Variants in PRKCE observed in about 807,000 individuals in gnomAD.
PRKCE encodes the protein protein kinase C epsilon type.
In PRKCE, 16 loss-of-function variants were observed where a neutral mutation model predicts 85.4. The observed-to-expected ratio is 0.19, with a 90% CI of 0.13 to 0.28. PRKCE has a LOEUF of 0.28. Among genes scored for constraint, PRKCE ranks in the 10% least tolerant of loss-of-function variants. PRKCE has a pLI of 1.00. For missense variants in PRKCE, 573 were observed against 975.2 expected (o/e 0.59, Z 5.49); for synonymous variants, 388 against 371.5 (o/e 1.04, Z -0.51).
intron 1 of PRKCE, among the ~76,000 whole-genome samples, chr2:45,655,845 T>TG (rs1470721812): frequency 1.5e-5 from 1 of 68,530 alleles, no homozygotes; most frequent in Non-Finnish European, 2.7e-5. Flanking sequence ...CCCTGTCTCT[T>TG]GAAAAAAAAA....
intron 10 of PRKCE, among the ~76,000 whole-genome samples, chr2:46,024,510 T>C (rs1706946883): frequency 6.6e-6 from 1 of 152,146 alleles, no homozygotes; most frequent in Non-Finnish European, 1.5e-5. Context: ...TCACCTGGGA[T>C]TCATCAGCAG....
At chr2:45,816,235 G>A (rs1403191639) in intron 1 of PRKCE, among the ~76,000 whole-genome samples, 1 of 152,124 alleles carries the variant, frequency 6.6e-6, no homozygotes, top group African/African-American at 2.4e-5. Flanking sequence ...TGCTTGAGGG[G>A]CTTTACTTAC....
intron 10 of PRKCE, among the ~76,000 whole-genome samples, chr2:46,018,183 A>G (rs1706326252): frequency 6.6e-6 from 1 of 152,242 alleles, no homozygotes; most frequent in Non-Finnish European, 1.5e-5. Flanking sequence ...AAAAGGGGGC[A>G]TGGGCACAGG....
chr2:46,119,915 T>C (rs1673150917), intron 11 of PRKCE, among the ~76,000 whole-genome samples: 1 of 152,212 alleles, frequency 6.6e-6, no homozygotes, highest in Admixed American at 6.5e-5. Context: ...AAATGTCACC[T>C]TGGAATTTGT....
intron 6 of PRKCE, among the ~76,000 whole-genome samples, chr2:45,993,224 G>C (rs1703950968): frequency 6.6e-6 from 1 of 152,148 alleles, no homozygotes; most frequent in African/African-American, 2.4e-5. Flanking sequence ...GTTCCAACAG[G>C]GACGCCCACT....
intron 2 of PRKCE, among the ~76,000 whole-genome samples, chr2:45,917,816 C>G (rs897519810): frequency 6.6e-6 from 1 of 152,206 alleles, no homozygotes; most frequent in African/African-American, 2.4e-5. Context: ...AGCCCTGCCC[C>G]GCGGGAAGGC....
chr2:46,119,590 T>G (rs997684108), intron 11 of PRKCE, among the ~76,000 whole-genome samples: 1 of 152,226 alleles, frequency 6.6e-6, no homozygotes, highest in Non-Finnish European at 1.5e-5. Context: ...AGTGCCTCAT[T>G]TTGCAGTATG....
chr2:45,860,119 A>T (rs765570679), intron 2 of PRKCE, among the ~76,000 whole-genome samples: 4 of 152,178 alleles, frequency 2.6e-5, no homozygotes, highest in Admixed American at 6.5e-5. Flanking sequence ...TAAGCTCCCG[A>T]GGACAAGAAT....
intron 10 of PRKCE, among the ~76,000 whole-genome samples, chr2:46,051,977 G>T (rs1330679274): frequency 6.6e-6 from 1 of 152,018 alleles, no homozygotes; most frequent in African/African-American, 2.4e-5. Context: ...GGGGAAAACC[G>T]CCCCCATGAT....
chr2:45,951,844 G>GT (rs1243667835), intron 2 of PRKCE, among the ~76,000 whole-genome samples: 2 of 152,108 alleles, frequency 1.3e-5, no homozygotes, highest in Non-Finnish European at 2.9e-5. Context: ...GTTTTGTTTT[G>GT]TTTTTTGAGA....
chr2:45,947,221 G>C (rs527592412), intron 2 of PRKCE, among the ~76,000 whole-genome samples: 7 of 152,200 alleles, frequency 4.6e-5, no homozygotes, highest in Non-Finnish European at 8.8e-5. Flanking sequence ...AGTTGCAAAA[G>C]ACCACATATT....
At chr2:45,951,432 T>G (rs1318633305) in intron 2 of PRKCE, among the ~76,000 whole-genome samples, 1 of 152,228 alleles carries the variant, frequency 6.6e-6, no homozygotes, top group African/African-American at 2.4e-5. Flanking sequence ...TAACTCTGAC[T>G]TCCTCACTGA....
intron 2 of PRKCE, among the ~76,000 whole-genome samples, chr2:45,957,980 C>G (rs13402628): frequency 6.8e-6 from 1 of 145,990 alleles, no homozygotes; most frequent in African/African-American, 2.6e-5. Flanking sequence ...AGAAGTGGTT[C>G]TCAACCCCTT....
intron 2 of PRKCE, among the ~76,000 whole-genome samples, chr2:45,893,698 C>T (rs997831380): frequency 6.6e-6 from 1 of 152,138 alleles, no homozygotes; most frequent in Non-Finnish European, 1.5e-5. Context: ...TCCCCCAGTG[C>T]CCCGCTCTTC....
chr2:45,893,772 G>A (rs1695919617), intron 2 of PRKCE, among the ~76,000 whole-genome samples: 1 of 152,130 alleles, frequency 6.6e-6, no homozygotes, highest in African/African-American at 2.4e-5. Flanking sequence ...CACTTGAACT[G>A]CAGAGTTTTC....
intron 2 of PRKCE, among the ~76,000 whole-genome samples, chr2:45,917,356 A>G (rs1291555060): frequency 1.3e-5 from 2 of 151,960 alleles, no homozygotes. Context: ...CTTGAGCTAG[A>G]TACAGAGTGC....
intron 10 of PRKCE, among the ~76,000 whole-genome samples, chr2:46,064,698 T>C (rs1054285924): frequency 6.6e-6 from 1 of 152,226 alleles, no homozygotes; most frequent in Non-Finnish European, 1.5e-5. Context: ...AGTTGGAAAA[T>C]GCCTCATTGG....
At chr2:45,822,847 A>G (rs903639274) in intron 1 of PRKCE, among the ~76,000 whole-genome samples, 7 of 152,306 alleles carry the variant, frequency 4.6e-5, no homozygotes, top group Admixed American at 1.3e-4. Context: ...TATTTCAGTA[A>G]TGATTCCCTT....
chr2:45,974,845 T>G lies in PRKCE; in HGVS notation c.413-1584T>G, dbSNP rs1448999527. Among the ~76,000 whole-genome samples, 4 of 152,148 alleles carry G rather than the reference T, an allele frequency of 2.6e-5. No homozygotes were observed. The East Asian group carries it at 7.7e-4, about 29-fold the overall frequency. On this transcript the variant is annotated intron_variant, in intron 2 of 14. Coordinates refer to ENST00000306156, the MANE Select transcript of PRKCE (RefSeq NM_005400.3). Reference sequence around the variant, plus strand: ...GGGCACAGAGCCTTCCAGTGCATTTTAAGCTGACCTGTGCAGGGGACCTTC... The same window carrying G: ...GGGCACAGAGCCTTCCAGTGCATTTGAAGCTGACCTGTGCAGGGGACCTTC...
Sources: allele counts gnomAD v4.1 joint callset (sites outside exome capture counted in the v4.1 genomes callset), GRCh38; gene constraint gnomAD v4.1.1; transcripts MANE v1.5; gene names NCBI Gene and HGNC (gene_info 2026-07-23, HGNC 2026-07-21).